Variants in THADA observed in about 807,000 individuals in gnomAD.
THADA encodes THADA armadillo repeat containing, also known as tRNA (32-2'-O)-methyltransferase regulator THADA.
In THADA, 213 loss-of-function variants were observed where a neutral mutation model predicts 219.8. That is an observed-to-expected ratio of 0.97 (90% CI 0.87 to 1.09). The LOEUF is 1.09. Among genes scored for constraint, THADA ranks in the 50% least tolerant of loss-of-function variants. The pLI is 0.00. For synonymous variants in THADA, 1,018 were observed against 828.9 expected (o/e 1.23, Z -3.92); for missense variants, 2,956 against 2,311.3 (o/e 1.28, Z -5.72).
chr2:43,284,099 A>G (rs1291906941), intron 35 of THADA, among the ~76,000 whole-genome samples: 1 of 152,248 alleles, frequency 6.6e-6, no homozygotes, highest in Non-Finnish European at 1.5e-5. Context: ...GAATCGCTCA[A>G]ACCCAGGAAG....
At chr2:43,592,452 G>A in intron 1 of THADA, 36 bp from the exon 2 acceptor site, 1 of 1,250,272 alleles carries the variant, frequency 8.0e-7, no homozygotes, top group Non-Finnish European at 1.1e-6. Context: ...TTAATGTAAG[G>A]TTTCTCAACC....
chr2:43,573,793 C>G (rs1261903441), intron 11 of THADA, among the ~76,000 whole-genome samples: 3 of 152,088 alleles, frequency 2.0e-5, no homozygotes, highest in African/African-American at 7.2e-5. Context: ...TTTACACATC[C>G]TGAATTATGC....
intron 24 of THADA, among the ~76,000 whole-genome samples, chr2:43,504,898 C>T (rs955960825): frequency 6.6e-6 from 1 of 152,022 alleles, no homozygotes; most frequent in African/African-American, 2.4e-5. Context: ...AACAAACAAA[C>T]CAAAAAGGAG....
chr2:43,253,222 C>T (rs371657028), intron 36 of THADA, among the ~76,000 whole-genome samples: 45 of 152,176 alleles, frequency 3.0e-4, no homozygotes, highest in Middle Eastern at 6.8e-3. Context: ...AACCTGAAGA[C>T]GCCTGGGAGG....
chr2:43,286,952 G>A lies in THADA; in HGVS notation c.5120C>T (p.Thr1707Ile). Reference sequence around the variant, plus strand: ...GGTGAGGAAAAGTGGTGTAGTACTGGTGAGGACTTCAACGACGGCCAGCCT... The same window carrying A: ...GGTGAGGAAAAGTGGTGTAGTACTGATGAGGACTTCAACGACGGCCAGCCT... Reference protein sequence around the residue: ...ESRLAVVEVLTSTTPLFLTNP... With the variant: ...ESRLAVVEVLISTTPLFLTNP... Residue 1707 changes from threonine to isoleucine, a missense_variant, in exon 35 of 38, where the codon ACC becomes ATC. Thr to Ile is a moderately conservative substitution (Grantham distance 89, BLOSUM62 -1). Transcript: ENST00000405975. The A allele has an allele frequency of 6.2e-7, 1 of 1,613,936 alleles. No individual in the cohort carries two copies. Among genetic ancestry groups the A allele is most frequent in the Non-Finnish European group, 8.5e-7 (1 of 1,179,882 alleles).
intron 13 of THADA, among the ~76,000 whole-genome samples, chr2:43,570,862 T>A (rs1003254502): frequency 6.6e-6 from 1 of 152,160 alleles, no homozygotes; most frequent in Non-Finnish European, 1.5e-5. Context: ...GCTTAAACTA[T>A]AAAAATGCTG....
At chr2:43,518,216 CAT>C (rs1200436801) in intron 22 of THADA, among the ~76,000 whole-genome samples, 1 of 152,094 alleles carries the variant, frequency 6.6e-6, no homozygotes, top group Admixed American at 6.6e-5. Context: ...AAATGAATGA[CAT>C]ATAATTTACT....
intron 31 of THADA, among the ~76,000 whole-genome samples, chr2:43,316,858 C>T (rs533726304): frequency 3.9e-5 from 6 of 152,234 alleles, no homozygotes; most frequent in Non-Finnish European, 7.4e-5. Flanking sequence ...ACCCGGGACA[C>T]GGAAGTTTTG....
intron 22 of THADA, among the ~76,000 whole-genome samples, chr2:43,524,046 A>C (rs1195075215): frequency 6.6e-6 from 1 of 152,252 alleles, no homozygotes; most frequent in Non-Finnish European, 1.5e-5. Context: ...AGTTGAATTT[A>C]GAGTTTTATG....
intron 31 of THADA, among the ~76,000 whole-genome samples, chr2:43,312,665 G>T (rs1050592755): frequency 3.3e-5 from 5 of 151,278 alleles, no homozygotes; most frequent in Non-Finnish European, 7.4e-5. Context: ...CAGTTCAGAT[G>T]ACAGTTCCAG....
At chr2:43,462,749 T>G (rs1304892297) in intron 26 of THADA, among the ~76,000 whole-genome samples, 4 of 152,146 alleles carry the variant, frequency 2.6e-5, no homozygotes, top group Non-Finnish European at 5.9e-5. Context: ...CTTTCCGTTC[T>G]CCCTCAGTGT....
chr2:43,273,496 C>A lies in THADA; in HGVS notation c.5296+6269G>T, dbSNP rs180670953. 4.3e-3 allele frequency among the ~76,000 whole-genome samples: 649 copies of A among 152,142 alleles called. 4 individuals are homozygous for A. The highest frequency in any genetic ancestry group is 6.7e-3 in the Non-Finnish European group (457 of 67,988). ...CAGAGCAGAAAGGGCACTTTGAAGG[C>A]GATATACCTGAGTCGATTAGGAAAG... is the stretch of plus-strand genomic sequence containing the variant. On this transcript the variant is annotated intron_variant, in intron 36 of 37. Coordinates refer to ENST00000405975, the MANE Select transcript of THADA (RefSeq NM_022065.5).
chr2:43,403,525 C>T (rs1186330407), intron 28 of THADA, among the ~76,000 whole-genome samples: 1 of 152,150 alleles, frequency 6.6e-6, no homozygotes, highest in Admixed American at 6.6e-5. Flanking sequence ...CTGCATGTCA[C>T]AGGAACCAGA....
At chr2:43,246,556 G>C (rs1669176539) in intron 36 of THADA, among the ~76,000 whole-genome samples, 1 of 151,828 alleles carries the variant, frequency 6.6e-6, no homozygotes, top group Non-Finnish European at 1.5e-5. Context: ...CCTTACTATA[G>C]GCACCCTACC....
At chr2:43,472,267 A>G (rs13414619) in intron 26 of THADA, among the ~76,000 whole-genome samples, 27,650 of 152,118 alleles carry the variant, frequency 0.18, 3,716 homozygotes, top group African/African-American at 0.38. Flanking sequence ...ATATCTCCAG[A>G]GATGGAAAGC....
At chr2:43,515,942 T>C (rs1276176764) in intron 22 of THADA, among the ~76,000 whole-genome samples, 1 of 152,096 alleles carries the variant, frequency 6.6e-6, no homozygotes, top group South Asian at 2.1e-4. Context: ...TCCAAAAACC[T>C]ACTCTACCCA....
intron 29 of THADA, among the ~76,000 whole-genome samples, chr2:43,389,009 G>A (rs923523352): frequency 1.3e-5 from 2 of 152,144 alleles, no homozygotes; most frequent in African/African-American, 2.4e-5. Context: ...AACATTTACT[G>A]AGCATTTACT....
chr2:43,356,888 G>C (rs1248206264), intron 29 of THADA, among the ~76,000 whole-genome samples: 1 of 152,134 alleles, frequency 6.6e-6, no homozygotes, highest in Admixed American at 6.5e-5. Flanking sequence ...ACTCATTCTT[G>C]TTCCACATGG....
At chr2:43,286,880 C>CA (rs1339306365) in intron 35 of THADA, 28 bp downstream of exon 35, 23 of 1,596,614 alleles carry the variant, frequency 1.4e-5, no homozygotes, top group Non-Finnish European at 2.0e-5. Context: ...GAGTTTGGTA[C>CA]AACAGACTTC....
Sources: gnomAD v4.1 joint callset for allele counts (sites outside exome capture counted in the v4.1 genomes callset) on GRCh38, gnomAD v4.1.1 for gene constraint, MANE v1.5 for transcripts, NCBI Gene and HGNC (gene_info 2026-07-23, HGNC 2026-07-21) for gene names.